Variants in ATP8A2 observed in about 807,000 individuals in gnomAD.
ATP8A2 encodes ATPase phospholipid transporting 8A2.
A neutral mutation model predicts 165.6 loss-of-function variants in ATP8A2; 100 were observed. The ratio of observed to expected loss-of-function variants is 0.60; its 90% CI spans 0.51 to 0.71. The LOEUF is 0.71. ATP8A2 is among the 30% of genes least tolerant of loss of function. The pLI, the probability that ATP8A2 is intolerant of heterozygous loss-of-function variation, is 0.00. For synonymous variants in ATP8A2, 543 were observed against 548.8 expected, an observed-to-expected ratio of 0.99 and a Z score of 0.15; for missense variants, 1,227 against 1,479.5, an observed-to-expected ratio of 0.83 and a Z score of 2.80.
intron 35 of ATP8A2, among the ~76,000 whole-genome samples, chr13:25,971,994 G>C (rs1157275590): frequency 6.6e-6 from 1 of 152,070 alleles, no homozygotes; most frequent in Non-Finnish European, 1.5e-5. Context: ...GCCCCTTAAA[G>C]GACATTCTGC....
chr13:25,860,151 T>C, intron 30 of ATP8A2, 44 bp from the exon 31 acceptor site: 1 of 1,376,418 alleles, frequency 7.3e-7, no homozygotes. Flanking sequence ...TAGGTGGCCA[T>C]GCTCAGCTTC....
At chr13:25,934,546 A>G (rs999450988) in intron 33 of ATP8A2, among the ~76,000 whole-genome samples, 1 of 152,218 alleles carries the variant, frequency 6.6e-6, no homozygotes, top group African/African-American at 2.4e-5. Flanking sequence ...ATCCTCATCT[A>G]CCAAATGAAG....
chr13:25,670,378 G>A (rs55768945), intron 24 of ATP8A2, among the ~76,000 whole-genome samples: 5,810 of 152,190 alleles, frequency 0.038, 164 homozygotes, highest in Middle Eastern at 0.099. Context: ...CTCTTGCCCT[G>A]GTGTTGAGCC....
chr13:25,940,569 C>T (rs970907225), intron 33 of ATP8A2, among the ~76,000 whole-genome samples: 2 of 152,216 alleles, frequency 1.3e-5, no homozygotes, highest in Non-Finnish European at 2.9e-5. Flanking sequence ...ATTTCCTTCA[C>T]CTTCACAGCA....
At chr13:25,799,005 G>C (rs866039061) in intron 27 of ATP8A2, among the ~76,000 whole-genome samples, 7 of 151,662 alleles carry the variant, frequency 4.6e-5, no homozygotes, top group African/African-American at 1.5e-4. Context: ...AAAAAAAATT[G>C]ACAGAACAAA....
At chr13:25,894,719 G>T (rs538865292) in intron 33 of ATP8A2, among the ~76,000 whole-genome samples, 72 of 152,094 alleles carry the variant, frequency 4.7e-4, no homozygotes, top group Non-Finnish European at 8.5e-4. Flanking sequence ...TTGAGCAGTG[G>T]TTTGTAGTTC....
At chr13:25,512,709 A>T (rs1453151014) in intron 2 of ATP8A2, among the ~76,000 whole-genome samples, 2 of 130,170 alleles carry the variant, frequency 1.5e-5, no homozygotes, top group African/African-American at 2.9e-5. Flanking sequence ...TCCCTCCCGG[A>T]CGGGGCAGCT....
intron 24 of ATP8A2, among the ~76,000 whole-genome samples, chr13:25,656,525 G>A (rs1044183326): frequency 1.1e-4 from 17 of 151,908 alleles, no homozygotes; most frequent in African/African-American, 3.1e-4. Flanking sequence ...TGCCCACCTC[G>A]GCCTCCGAAA....
At chr13:25,601,455 GTT>G (rs1378333160) in intron 24 of ATP8A2, among the ~76,000 whole-genome samples, 1 of 152,120 alleles carries the variant, frequency 6.6e-6, no homozygotes. Flanking sequence ...TAATTAAATT[GTT>G]TGTTTTGTTT....
chr13:25,560,972 C>T (rs9553630), intron 15 of ATP8A2, among the ~76,000 whole-genome samples: 147,423 of 148,254 alleles, frequency 0.99, 73,296 homozygotes, highest in Middle Eastern at 1. Flanking sequence ...CTGCAAGCTC[C>T]GCCTCCCGGG....
chr13:25,847,436 G>A (rs1951892720), intron 30 of ATP8A2, among the ~76,000 whole-genome samples: 1 of 152,196 alleles, frequency 6.6e-6, no homozygotes, highest in Non-Finnish European at 1.5e-5. Context: ...AATTGGGCTG[G>A]AAGGGCCATT....
At chr13:25,710,618 T>C (rs1192939442) in intron 25 of ATP8A2, among the ~76,000 whole-genome samples, 1 of 152,216 alleles carries the variant, frequency 6.6e-6, no homozygotes, top group African/African-American at 2.4e-5. Flanking sequence ...CTGTTCACTG[T>C]GACCCAACTT....
At chr13:25,885,257 TGCCCACCAGCATGCCTG>T (rs112779483) in intron 33 of ATP8A2, among the ~76,000 whole-genome samples, 8,129 of 151,862 alleles carry the variant, frequency 0.054, 545 homozygotes, top group African/African-American at 0.14. Flanking sequence ...GGACTACAGG[TGCCCACCAGCATGCCTG>T]GCTAATTTTT....
intron 30 of ATP8A2, among the ~76,000 whole-genome samples, chr13:25,851,863 C>A (rs9511954): frequency 6.9e-6 from 1 of 144,902 alleles, no homozygotes; most frequent in East Asian, 2.0e-4. Context: ...ATGTTTTTTT[C>A]TTTTTTAGAG....
chr13:25,390,449 A>G (rs1182564061), intron 1 of ATP8A2, among the ~76,000 whole-genome samples: 3 of 151,978 alleles, frequency 2.0e-5, no homozygotes, highest in African/African-American at 7.3e-5. Flanking sequence ...CAAGATAGGG[A>G]TTTTCCATCA....
At chr13:25,990,410 G>C (rs953067046) in intron 35 of ATP8A2, among the ~76,000 whole-genome samples, 1 of 152,156 alleles carries the variant, frequency 6.6e-6, no homozygotes, top group African/African-American at 2.4e-5. Flanking sequence ...ATGAGGGGAG[G>C]GTTTCTGGGA....
chr13:25,777,392 AGTGT>A (rs1332185993), intron 27 of ATP8A2, among the ~76,000 whole-genome samples: 1 of 152,252 alleles, frequency 6.6e-6, no homozygotes, highest in African/African-American at 2.4e-5. Context: ...ATGCAATTTT[AGTGT>A]GTTGTGAACT....
intron 1 of ATP8A2, among the ~76,000 whole-genome samples, chr13:25,462,870 A>G (rs1206225222): frequency 6.6e-6 from 1 of 152,190 alleles, no homozygotes; most frequent in Non-Finnish European, 1.5e-5. Flanking sequence ...AGGGATTTAG[A>G]GGCTCCCTTA....
chr13:25,836,043 A>T (rs1382625752), intron 28 of ATP8A2, among the ~76,000 whole-genome samples: 1 of 152,176 alleles, frequency 6.6e-6, no homozygotes, highest in African/African-American at 2.4e-5. Flanking sequence ...ACAAAAAGTG[A>T]TTGGTTGTTT....
Sources: gnomAD v4.1 joint callset for allele counts (sites outside exome capture counted in the v4.1 genomes callset) on GRCh38, gnomAD v4.1.1 for gene constraint, MANE v1.5 for transcripts, NCBI Gene and HGNC (gene_info 2026-07-23, HGNC 2026-07-21) for gene names.